SGSM1: variants seen among roughly 807,000 people sequenced by gnomAD.
The protein encoded by SGSM1 is small G protein signaling modulator 1, also known as RUN and TBC1 domain containing 2.
Under a neutral mutation model 133.8 loss-of-function variants are expected in SGSM1, and 73 were observed. The ratio of observed to expected loss-of-function variants is 0.55; its 90% CI spans 0.45 to 0.66. The LOEUF (loss-of-function observed/expected upper bound fraction) is 0.66. Among genes scored for constraint, SGSM1 ranks in the 30% least tolerant of loss-of-function variants. The pLI, the probability that SGSM1 is intolerant of heterozygous loss-of-function variation, is 0.00. For missense variants in SGSM1, 1,213 were observed against 1,448.1 expected (o/e 0.84, Z 2.64); for synonymous variants, 563 against 573.0 (o/e 0.98, Z 0.25).
At chr22:24,871,468 C>G (rs1931760396) in intron 12 of SGSM1, among the ~76,000 whole-genome samples, 1 of 152,156 alleles carries the variant, frequency 6.6e-6, no homozygotes, top group African/African-American at 2.4e-5. Context: ...TAGTAGGTAT[C>G]GTGTCTTGAG....
chr22:24,813,889 G>A (rs1276677872), intron 2 of SGSM1: 2 of 152,336 alleles, frequency 1.3e-5, no homozygotes, highest in Non-Finnish European at 2.9e-5. Flanking sequence ...CGGTAGGAAA[G>A]GGCATTTTGG....
At chr22:24,894,647 C>T (rs1023496921) in intron 17 of SGSM1, among the ~76,000 whole-genome samples, 2 of 152,138 alleles carry the variant, frequency 1.3e-5, no homozygotes, top group African/African-American at 2.4e-5. Context: ...TGGGGTGACT[C>T]AGCTGTGCTC....
At chr22:24,921,244 C>T (rs1289452988) in intron 24 of SGSM1, among the ~76,000 whole-genome samples, 1 of 151,994 alleles carries the variant, frequency 6.6e-6, no homozygotes, top group Non-Finnish European at 1.5e-5. Flanking sequence ...GGATTACAGA[C>T]ACGCACCACC....
chr22:24,807,262 G>T (rs1601875932), intron 2 of SGSM1, among the ~76,000 whole-genome samples: 2 of 152,286 alleles, frequency 1.3e-5, no homozygotes, highest in African/African-American at 2.4e-5. Context: ...TGCGTGCTCT[G>T]GTGTGTATAC....
intron 9 of SGSM1, among the ~76,000 whole-genome samples, chr22:24,861,224 G>A: frequency 6.6e-6 from 1 of 150,482 alleles, no homozygotes; most frequent in African/African-American, 2.4e-5. Context: ...ATGGTGGCGG[G>A]CACCTGTAAT....
At chr22:24,813,383 A>G (rs1927862040) in intron 2 of SGSM1, among the ~76,000 whole-genome samples, 1 of 152,278 alleles carries the variant, frequency 6.6e-6, no homozygotes, top group East Asian at 1.9e-4. Context: ...AAGCAAAGAC[A>G]CCAGATCATC....
intron 21 of SGSM1, among the ~76,000 whole-genome samples, chr22:24,908,652 AT>A (rs1371776715): frequency 1.3e-4 from 20 of 152,070 alleles, no homozygotes; most frequent in Admixed American, 3.9e-4. Flanking sequence ...AATACAAAAA[AT>A]TAGCTGGGCG....
Position 24,898,195 on chromosome 22 carries a change from T to C in SGSM1, c.2246T>C (p.Leu749Pro), listed in dbSNP as rs1569169108. Residue 749 changes from leucine to proline, a missense_variant, in exon 19 of 25, where the codon CTG becomes CCG. Transcript: ENST00000400358. Reference sequence around the variant, plus strand: ...GCCCAGCGGAACACCCCCACGGTGCTGCGACCTAGGGATGGCAGCGTGGAT... The same window carrying C: ...GCCCAGCGGAACACCCCCACGGTGCCGCGACCTAGGGATGGCAGCGTGGAT... ...LDAQRNTPTV[L>P]RPRDGSVDDR... 1 of 1,613,846 alleles carries C rather than the reference T, an allele frequency of 6.2e-7. No homozygotes were observed. Among genetic ancestry groups the C allele is most frequent in the Admixed American group, 1.7e-5 (1 of 60,014 alleles).
intron 9 of SGSM1, among the ~76,000 whole-genome samples, chr22:24,861,055 G>A (rs2147863055): frequency 6.7e-6 from 1 of 150,030 alleles, no homozygotes; most frequent in South Asian, 2.1e-4. Flanking sequence ...GCCTTGGAGT[G>A]ATGAAAAGTG....
At chr22:24,870,505 T>C (rs1360492507) in intron 12 of SGSM1, among the ~76,000 whole-genome samples, 1 of 152,172 alleles carries the variant, frequency 6.6e-6, no homozygotes, top group Non-Finnish European at 1.5e-5. Context: ...GGGTGTTTAA[T>C]TTATTTGGAG....
chr22:24,858,371 T>C (rs1930928363), intron 8 of SGSM1, among the ~76,000 whole-genome samples: 1 of 151,972 alleles, frequency 6.6e-6, no homozygotes, highest in African/African-American at 2.4e-5. Flanking sequence ...TCCTAGAACT[T>C]TGGGAGGCCA....
intron 9 of SGSM1, among the ~76,000 whole-genome samples, chr22:24,864,924 C>A (rs935413545): frequency 1.3e-5 from 2 of 152,216 alleles, no homozygotes; most frequent in Admixed American, 6.5e-5. Context: ...ACTACACTTC[C>A]TTGAGCCTCA....
chr22:24,897,273 G>A (rs904855831), intron 18 of SGSM1, among the ~76,000 whole-genome samples: 7 of 151,874 alleles, frequency 4.6e-5, no homozygotes, highest in African/African-American at 7.3e-5. Flanking sequence ...CCAGCTACTC[G>A]GGAGGCTGAG....
At chr22:24,915,017 A>G (rs1459088820) in intron 22 of SGSM1, among the ~76,000 whole-genome samples, 1 of 152,126 alleles carries the variant, frequency 6.6e-6, no homozygotes, top group Non-Finnish European at 1.5e-5. Flanking sequence ...TCACGAGGTC[A>G]GGAGATTGAG....
At chr22:24,895,542 TG>T (rs1316370482) in intron 18 of SGSM1, among the ~76,000 whole-genome samples, 1 of 152,262 alleles carries the variant, frequency 6.6e-6, no homozygotes, top group Non-Finnish European at 1.5e-5. Flanking sequence ...AATCTCTGCC[TG>T]CCCTCTCTTG....
intron 17 of SGSM1, 73 bp downstream of exon 17, chr22:24,893,686 G>A (rs768083666): frequency 7.2e-5 from 102 of 1,416,170 alleles, no homozygotes; most frequent in Non-Finnish European, 9.1e-5. Context: ...GCTGTTCTAA[G>A]AGTGGTGAAG....
chr22:24,907,806 G>C (rs1933449854), intron 21 of SGSM1, among the ~76,000 whole-genome samples: 1 of 150,722 alleles, frequency 6.6e-6, no homozygotes, highest in Non-Finnish European at 1.5e-5. Flanking sequence ...CAGCTACTCA[G>C]GAGGCTGAGG....
At chr22:24,820,289 A>G (rs1369271943) in intron 2 of SGSM1, among the ~76,000 whole-genome samples, 1 of 152,096 alleles carries the variant, frequency 6.6e-6, no homozygotes, top group African/African-American at 2.4e-5. Flanking sequence ...GGGCAGGGTG[A>G]TAAGGGGAGG....
At chr22:24,855,726 C>A in intron 8 of SGSM1, 46 bp downstream of exon 8, 1 of 1,613,824 alleles carries the variant, frequency 6.2e-7, no homozygotes. Flanking sequence ...GGGTCTCACT[C>A]CAGGTTATAG....
Sources: allele counts gnomAD v4.1 joint callset (sites outside exome capture counted in the v4.1 genomes callset), GRCh38; gene constraint gnomAD v4.1.1; transcripts MANE v1.5; gene names NCBI Gene and HGNC (gene_info 2026-07-23, HGNC 2026-07-21).